The following CADM1 variants were observed in gnomAD, a reference collection of about 807,000 sequenced individuals.
CADM1 encodes the protein cell adhesion molecule 1.
Under a neutral mutation model 53.1 loss-of-function variants are expected in CADM1, and 15 were observed. The ratio of observed to expected loss-of-function variants is 0.28; its 90% CI spans 0.19 to 0.44. CADM1 has a LOEUF of 0.44. Among genes scored for constraint, CADM1 ranks in the 20% least tolerant of loss-of-function variants. The pLI is 1.00. For synonymous variants in CADM1, 281 were observed against 243.0 expected, an observed-to-expected ratio of 1.16 and a Z score of -1.45; for missense variants, 434 against 611.3, an observed-to-expected ratio of 0.71 and a Z score of 3.06.
intron 1 of CADM1, among the ~76,000 whole-genome samples, chr11:115,306,058 G>T (rs1944359620): frequency 4.5e-5 from 1 of 22,254 alleles, no homozygotes. Context: ...AGGGATATTT[G>T]CAGAGGATAT....
chr11:115,224,436 T>A (rs1941524449), intron 5 of CADM1, among the ~76,000 whole-genome samples: 3 of 152,168 alleles, frequency 2.0e-5, no homozygotes. Flanking sequence ...AGAGCAGGCA[T>A]GGCATTCAAG....
intron 1 of CADM1, among the ~76,000 whole-genome samples, chr11:115,335,656 T>C (rs1225833935): frequency 1.3e-5 from 2 of 152,144 alleles, no homozygotes; most frequent in Non-Finnish European, 2.9e-5. Context: ...GCACTTTGAA[T>C]GGATCTTTTA....
At chr11:115,446,885 C>T (rs1435828025) in intron 1 of CADM1, among the ~76,000 whole-genome samples, 1 of 152,140 alleles carries the variant, frequency 6.6e-6, no homozygotes, top group African/African-American at 2.4e-5. Flanking sequence ...TGCCCCTACC[C>T]TCCAGGGAAC....
intron 1 of CADM1, among the ~76,000 whole-genome samples, chr11:115,475,322 T>A (rs1350231270): frequency 6.6e-6 from 1 of 152,200 alleles, no homozygotes; most frequent in South Asian, 2.1e-4. Flanking sequence ...TTTTTTCAAA[T>A]ATTTTCTATC....
chr11:115,218,056 C>T (rs2134778237), intron 5 of CADM1, 65 bp from the exon 6 acceptor site: 3 of 1,124,658 alleles, frequency 2.7e-6, no homozygotes, highest in African/African-American at 1.5e-5. Context: ...ATCAGACTCA[C>T]ACACTGCCTC....
chr11:115,431,199 C>T (rs961244636), intron 1 of CADM1, among the ~76,000 whole-genome samples: 14 of 152,150 alleles, frequency 9.2e-5, no homozygotes, highest in Non-Finnish European at 1.5e-4. Context: ...ACTTTGAAGA[C>T]GCAAAATAAG....
At chr11:115,337,217 T>A (rs1945290573) in intron 1 of CADM1, among the ~76,000 whole-genome samples, 1 of 152,176 alleles carries the variant, frequency 6.6e-6, no homozygotes, top group Non-Finnish European at 1.5e-5. Context: ...AGGTCCTTGA[T>A]GTTCTCCAGT....
At chr11:115,369,026 T>TAAAAAAAAAA (rs552309443) in intron 1 of CADM1, among the ~76,000 whole-genome samples, 2,490 of 44,644 alleles carry the variant, frequency 0.056, 278 homozygotes, top group Non-Finnish European at 0.072. Context: ...AAAAAAAATC[T>TAAAAAAAAAA]AAAAAAAAAA....
At chr11:115,499,186 T>C (rs537496841) in intron 1 of CADM1, among the ~76,000 whole-genome samples, 3 of 152,344 alleles carry the variant, frequency 2.0e-5, no homozygotes, top group Non-Finnish European at 4.4e-5. Flanking sequence ...AGCTCTGTTC[T>C]TGTTCTTAAG....
chr11:115,400,969 T>C (rs1225690518), intron 1 of CADM1, among the ~76,000 whole-genome samples: 2 of 151,910 alleles, frequency 1.3e-5, no homozygotes, highest in Non-Finnish European at 2.9e-5. Context: ...ACTCTTACCA[T>C]ACAATTCAGC....
intron 1 of CADM1, among the ~76,000 whole-genome samples, chr11:115,252,929 G>T (rs1942653380): frequency 6.6e-6 from 1 of 152,100 alleles, no homozygotes; most frequent in Admixed American, 6.6e-5. Context: ...TTCTATACAG[G>T]GAGGACATCC....
chr11:115,414,223 GA>G (rs200789948), intron 1 of CADM1, among the ~76,000 whole-genome samples: 1 of 151,306 alleles, frequency 6.6e-6, no homozygotes, highest in Non-Finnish European at 1.5e-5. Context: ...TTGCGGAGTA[GA>G]AAAAAAACAC....
chr11:115,364,673 C>T (rs1946113971), intron 1 of CADM1, among the ~76,000 whole-genome samples: 1 of 152,160 alleles, frequency 6.6e-6, no homozygotes, highest in South Asian at 2.1e-4. Context: ...CTGTCACTGT[C>T]AGTCAGTAGT....
chr11:115,442,799 G>T (rs1948350787), intron 1 of CADM1, among the ~76,000 whole-genome samples: 1 of 152,160 alleles, frequency 6.6e-6, no homozygotes, highest in Non-Finnish European at 1.5e-5. Flanking sequence ...GGAGACTACA[G>T]TCATTAATAA....
intron 1 of CADM1, among the ~76,000 whole-genome samples, chr11:115,417,676 C>T (rs1947634413): frequency 6.6e-6 from 1 of 152,114 alleles, no homozygotes; most frequent in Non-Finnish European, 1.5e-5. Context: ...GATTCACAAC[C>T]CAGTGGGACA....
At chr11:115,319,708 G>A (rs1224729631) in intron 1 of CADM1, among the ~76,000 whole-genome samples, 3 of 152,110 alleles carry the variant, frequency 2.0e-5, no homozygotes, top group Admixed American at 2.0e-4. Context: ...GAGCAATTGA[G>A]GCTATAGGTA....
At chr11:115,190,757 T>C (rs991800170) in intron 10 of CADM1, 131 bp downstream of exon 10, 20 of 672,534 alleles carry the variant, frequency 3.0e-5, no homozygotes, top group Non-Finnish European at 4.7e-5. Flanking sequence ...ACAGTATTGA[T>C]ACAAATTTGT....
rs1938964174 is a variant in CADM1, at chr11:115,175,135, C to T, written c.*1339G>A. On this transcript the variant is annotated 3_prime_UTR_variant, in exon 12 of 12. Transcript: ENST00000331581. The stretch of plus-strand genomic sequence containing the variant: ...TCACATTTGAGTTTTGATTAAGTAA[C>T]TGAAAATCCGTACATGCTGTTTTTC... The T allele has an allele frequency of 2.2e-5, 22 of 985,718 alleles. No homozygotes were observed. The highest frequency in any genetic ancestry group is 2.7e-5 in the Non-Finnish European group (22 of 829,930). 61.1% of individuals were successfully genotyped at this position (985,718 alleles called of 1,614,324 possible).
rs541339400 is a variant in CADM1 at position 115,449,689 on chromosome 11, G to A, written c.124+54582C>T. Among the ~76,000 whole-genome samples the A allele has an allele frequency of 3.9e-5, 6 of 152,204 alleles. No individual in the cohort carries two copies. The South Asian group carries it at 8.3e-4, about 21-fold the overall frequency. On this transcript the variant is annotated intron_variant, in intron 1 of 11. Transcript: ENST00000331581. The stretch of plus-strand genomic sequence containing the variant: ...CTTTAGAAGGCAAGGTGCATTTCCC[G>A]ACAATGCCACCGAAAATGCTTTCGG...
Sources: allele counts gnomAD v4.1 joint callset (sites outside exome capture counted in the v4.1 genomes callset), GRCh38; gene constraint gnomAD v4.1.1; transcripts MANE v1.5; gene names NCBI Gene and HGNC (gene_info 2026-07-23, HGNC 2026-07-21).